L3MBTL4: variants seen among roughly 807,000 people sequenced by gnomAD.
L3MBTL4 encodes L3MBTL histone methyl-lysine binding protein 4, also known as lethal(3)malignant brain tumor-like protein 4.
A neutral mutation model predicts 84.5 loss-of-function variants in L3MBTL4; 70 were observed. That is an observed-to-expected ratio of 0.83 (90% confidence interval 0.68 to 1.01). The LOEUF is 1.01. Among genes scored for constraint, L3MBTL4 ranks in the 50% least tolerant of loss-of-function variants. The probability of loss-of-function intolerance (pLI) is 0.00; values close to 1 mark genes in which losing one functional copy is unlikely to be tolerated. For missense variants in L3MBTL4, 715 were observed against 754.8 expected (o/e 0.95, Z 0.62); for synonymous variants, 274 against 259.8 (o/e 1.05, Z -0.52).
chr18:6,320,817 G>A (rs1475937157), intron 1 of L3MBTL4, among the ~76,000 whole-genome samples: 2 of 151,976 alleles, frequency 1.3e-5, no homozygotes, highest in Admixed American at 6.6e-5. Context: ...AAATCCAGAG[G>A]TATCACATTA....
At chr18:5,987,573 C>T (rs753634487) in intron 16 of L3MBTL4, among the ~76,000 whole-genome samples, 5 of 152,234 alleles carry the variant, frequency 3.3e-5, no homozygotes, top group Non-Finnish European at 5.9e-5. Context: ...GGCACTGGTT[C>T]CAGCTCCTCC....
chr18:6,381,621 G>C (rs991505204), intron 1 of L3MBTL4, among the ~76,000 whole-genome samples: 2 of 152,170 alleles, frequency 1.3e-5, no homozygotes, highest in African/African-American at 4.8e-5. Flanking sequence ...GAAATTCTGG[G>C]TTCAAAATTC....
rs553752816 is a variant in L3MBTL4 at position 5,954,913 on chromosome 18, C to T, written c.*1307G>A. The T allele has an allele frequency of 6.6e-6, 1 of 152,098 alleles. No homozygotes were observed. Among genetic ancestry groups the T allele is most frequent in the Non-Finnish European group, 1.5e-5 (1 of 68,028 alleles). The allele number at this position is 152,098 out of a possible 1,614,324, so 9.4% of individuals were successfully genotyped here. On this transcript the variant is annotated 3_prime_UTR_variant, in exon 19 of 19. Coordinates refer to ENST00000317931, the MANE Select transcript of L3MBTL4 (RefSeq NM_001330559.2). Reference sequence around the variant, plus strand: ...AAAGAAATGTTATATATGCACACCTCTTAGAGTTTGTTTATTTTCTTCAGT... The same window carrying T: ...AAAGAAATGTTATATATGCACACCTTTTAGAGTTTGTTTATTTTCTTCAGT...
At chr18:5,966,680 G>A (rs577734539) in intron 17 of L3MBTL4, among the ~76,000 whole-genome samples, 224 of 152,184 alleles carry the variant, frequency 1.5e-3, no homozygotes, top group Non-Finnish European at 3.0e-3. Context: ...CATGAGTCAC[G>A]TGTCCAATAA....
intron 16 of L3MBTL4, among the ~76,000 whole-genome samples, chr18:6,057,165 G>C (rs565981677): frequency 1.5e-3 from 226 of 152,010 alleles, no homozygotes; most frequent in African/African-American, 5.0e-3. Context: ...CGAGTATCTG[G>C]GATTACAGGC....
chr18:6,237,860 T>C (rs1829185715), intron 10 of L3MBTL4, 104 bp downstream of exon 10: 1 of 846,162 alleles, frequency 1.2e-6, no homozygotes, highest in African/African-American at 1.7e-5. Flanking sequence ...TTTTATCATA[T>C]TAAATAGATA....
chr18:6,309,478 G>T (rs2050733461), intron 3 of L3MBTL4, among the ~76,000 whole-genome samples: 1 of 152,138 alleles, frequency 6.6e-6, no homozygotes, highest in Admixed American at 6.5e-5. Flanking sequence ...TGTTACTAAT[G>T]ATTGAAAAAA....
chr18:6,113,257 A>T (rs1337609741), intron 14 of L3MBTL4, among the ~76,000 whole-genome samples: 1 of 152,142 alleles, frequency 6.6e-6, no homozygotes, highest in Non-Finnish European at 1.5e-5. Flanking sequence ...GTAGGCAACT[A>T]ACTCATATCT....
At chr18:6,067,871 T>C (rs1212669316) in intron 16 of L3MBTL4, among the ~76,000 whole-genome samples, 1 of 152,240 alleles carries the variant, frequency 6.6e-6, no homozygotes, top group Non-Finnish European at 1.5e-5. Context: ...CATTTTGTCA[T>C]ATTACCAGAA....
chr18:6,306,087 G>GTAGAAACA (rs1384642498), intron 3 of L3MBTL4, among the ~76,000 whole-genome samples: 1 of 152,142 alleles, frequency 6.6e-6, no homozygotes, highest in Non-Finnish European at 1.5e-5. Context: ...TTGGTTTCAT[G>GTAGAAACA]GACTGTAGAA....
intron 14 of L3MBTL4, among the ~76,000 whole-genome samples, chr18:6,104,415 C>T (rs531226179): frequency 1.3e-5 from 2 of 152,256 alleles, no homozygotes; most frequent in South Asian, 4.1e-4. Context: ...GGAATCCTGC[C>T]ACATGTGACA....
intron 1 of L3MBTL4, among the ~76,000 whole-genome samples, chr18:6,383,432 C>A (rs1428924152): frequency 1.3e-5 from 2 of 152,126 alleles, no homozygotes. Flanking sequence ...ACTCAGGGCC[C>A]TGGTGGGGTA....
At chr18:5,990,643 C>T (rs1342462514) in intron 16 of L3MBTL4, among the ~76,000 whole-genome samples, 1 of 152,180 alleles carries the variant, frequency 6.6e-6, no homozygotes, top group Admixed American at 6.5e-5. Context: ...GTAATTGAGT[C>T]CCATGTTTCC....
At chr18:6,376,071 G>C (rs941476229) in intron 1 of L3MBTL4, among the ~76,000 whole-genome samples, 1 of 152,070 alleles carries the variant, frequency 6.6e-6, no homozygotes, top group African/African-American at 2.4e-5. Flanking sequence ...ATATGGACTG[G>C]GTCTAGCCCC....
intron 3 of L3MBTL4, among the ~76,000 whole-genome samples, chr18:6,309,631 G>A (rs953634465): frequency 1.3e-5 from 2 of 152,180 alleles, no homozygotes; most frequent in Admixed American, 1.3e-4. Flanking sequence ...GTCCCAATGT[G>A]GGGTAGAAAT....
chr18:6,296,702 G>A lies in L3MBTL4; in HGVS notation c.127+5201C>T, dbSNP rs780902326. On this transcript the variant is annotated intron_variant, in intron 4 of 18. Transcript: ENST00000317931. ...GTGAGGGGTCTCCAGTAACATTCTA[G>A]GGAAGGGGGGTTATGAGGCACTCCA... 1.2e-4 allele frequency among the ~76,000 whole-genome samples: 19 copies of A among 152,106 alleles called. 1 individual carries two copies. The highest frequency in any genetic ancestry group is 2.2e-4 in the Non-Finnish European group (15 of 68,026).
chr18:6,319,482 A>T (rs1409338486), intron 1 of L3MBTL4, among the ~76,000 whole-genome samples: 1 of 152,150 alleles, frequency 6.6e-6, no homozygotes, highest in Non-Finnish European at 1.5e-5. Context: ...ATATAAAATC[A>T]TTTGTGACTA....
At chr18:6,332,713 G>A (rs1212580841) in intron 1 of L3MBTL4, among the ~76,000 whole-genome samples, 1 of 152,216 alleles carries the variant, frequency 6.6e-6, no homozygotes, top group Non-Finnish European at 1.5e-5. Flanking sequence ...CCAAGTGTTG[G>A]GAGTGACTAG....
At chr18:6,304,014 C>CAA (rs201628744) in intron 3 of L3MBTL4, among the ~76,000 whole-genome samples, 3,343 of 52,560 alleles carry the variant, frequency 0.064, 134 homozygotes, top group African/African-American at 0.17. Flanking sequence ...AACTCCATCT[C>CAA]AAAAAAAAAA....
Sources: allele counts gnomAD v4.1 joint callset (sites outside exome capture counted in the v4.1 genomes callset), GRCh38; gene constraint gnomAD v4.1.1; transcripts MANE v1.5; gene names NCBI Gene and HGNC (gene_info 2026-07-23, HGNC 2026-07-21).